The following SLC22A3 variants were observed in gnomAD, a reference collection of about 807,000 sequenced individuals.
SLC22A3 encodes EMT organic cation transporter 3.
In SLC22A3, 51 loss-of-function variants were observed where a neutral mutation model predicts 59.1. The ratio of observed to expected loss-of-function variants is 0.86; its 90% CI spans 0.69 to 1.09. The LOEUF (loss-of-function observed/expected upper bound fraction) is 1.09, where lower values mean the gene tolerates loss of function less well. Among genes scored for constraint, SLC22A3 ranks in the 50% least tolerant of loss-of-function variants. SLC22A3 has a pLI of 0.00. For missense variants in SLC22A3, 711 were observed against 726.3 expected (o/e 0.98, Z 0.24); for synonymous variants, 325 against 292.0 (o/e 1.11, Z -1.15).
At chr6:160,447,301 A>G (rs1353835451) in intron 9 of SLC22A3, among the ~76,000 whole-genome samples, 1 of 152,216 alleles carries the variant, frequency 6.6e-6, no homozygotes, top group African/African-American at 2.4e-5. Flanking sequence ...CACCAGGACA[A>G]GCTTTCCACT....
intron 10 of SLC22A3, 104 bp from the exon 11 acceptor site, chr6:160,450,892 A>G: frequency 9.2e-7 from 1 of 1,092,616 alleles, no homozygotes; most frequent in Non-Finnish European, 1.4e-6. Flanking sequence ...GGTTTTCATG[A>G]ATGTATTTGA....
At chr6:160,442,422 C>T (rs1259188976) in intron 7 of SLC22A3, among the ~76,000 whole-genome samples, 3 of 152,188 alleles carry the variant, frequency 2.0e-5, no homozygotes, top group Non-Finnish European at 2.9e-5. Flanking sequence ...GAAACTACCA[C>T]CTGGACAAAA....
rs528021732 is a variant in SLC22A3 at position 160,445,121 on chromosome 6, G to A, written c.1510+1379G>A. Reference sequence around the variant, plus strand: ...ACAGCCGAATTTCTAAAAACTCAGCGACAACAGAATGTGATAACTGCTGAG... The same window carrying A: ...ACAGCCGAATTTCTAAAAACTCAGCAACAACAGAATGTGATAACTGCTGAG... On this transcript the variant is annotated intron_variant, in intron 9 of 10. Coordinates refer to ENST00000275300, the MANE Select transcript of SLC22A3 (RefSeq NM_021977.4). Among the ~76,000 whole-genome samples, 306 of 152,326 alleles carry A rather than the reference G, an allele frequency of 2.0e-3. 2 individuals carry two copies. Among genetic ancestry groups the A allele is most frequent in the Non-Finnish European group, 3.6e-3 (246 of 68,016 alleles).
intron 1 of SLC22A3, among the ~76,000 whole-genome samples, chr6:160,380,948 G>C (rs1352572675): frequency 6.6e-6 from 1 of 152,218 alleles, no homozygotes; most frequent in Non-Finnish European, 1.5e-5. Context: ...GGCTCTGATA[G>C]AGAACAGCTG....
rs550809325 is a variant in SLC22A3, at chr6:160,402,400, T to C, written c.533+4318T>C. 4.6e-5 allele frequency among the ~76,000 whole-genome samples: 7 copies of C among 151,958 alleles called. No homozygotes were observed. The South Asian group carries it at 1.5e-3, about 32-fold the overall frequency. On this transcript the variant is annotated intron_variant, in intron 2 of 10. Coordinates refer to ENST00000275300, the MANE Select transcript of SLC22A3 (RefSeq NM_021977.4). ...AAATTATAAGAGGCAAAAACTGTGA[T>C]AAAACTGGAATGAGAAATAGATTAA...
intron 1 of SLC22A3, 99 bp from the exon 2 acceptor site, chr6:160,397,880 G>A: frequency 1.1e-6 from 1 of 932,622 alleles, no homozygotes; most frequent in Non-Finnish European, 1.8e-6. Context: ...GAGTATATGA[G>A]CAAAAATCTT....
intron 1 of SLC22A3, among the ~76,000 whole-genome samples, chr6:160,397,111 T>G (rs919280360): frequency 5.9e-5 from 9 of 152,176 alleles, no homozygotes; most frequent in African/African-American, 2.2e-4. Context: ...ACCAGTTTTG[T>G]GGAAGACAAT....
At chr6:160,422,226 T>C (rs1353938308) in intron 5 of SLC22A3, among the ~76,000 whole-genome samples, 1 of 152,158 alleles carries the variant, frequency 6.6e-6, no homozygotes, top group African/African-American at 2.4e-5. Context: ...AGATTGAACA[T>C]TGATGTACAC....
chr6:160,384,007 A>G (rs1340031872), intron 1 of SLC22A3, among the ~76,000 whole-genome samples: 3 of 152,038 alleles, frequency 2.0e-5, no homozygotes, highest in African/African-American at 4.8e-5. Context: ...TCAGCTTACT[A>G]CAACATCTGC....
Position 160,348,528 on chromosome 6 carries a change from G to A in SLC22A3, c.109G>A (p.Val37Ile), listed in dbSNP as rs1784547112. The A allele has an allele frequency of 2.6e-6, 4 of 1,564,072 alleles. No individual in the cohort carries two copies. The highest frequency in any genetic ancestry group is 2.8e-5 in the African/African-American group (2 of 71,048). The change falls in exon 1 of 11, where the codon GTC becomes ATC. Residue 37 changes from valine to isoleucine, a missense_variant. Physicochemically the swap from Val to Ile is conservative, Grantham distance 29. Coordinates refer to ENST00000275300, the MANE Select transcript of SLC22A3 (RefSeq NM_021977.4). ...GGGCGTCACCTTCGCCTTCCTCTTC[G>A]TCGGCGTGGTCTTCCTGGGCACGCA... is the stretch of plus-strand genomic sequence containing the variant. ...LTGVTFAFLF[V>I]GVVFLGTQPD... is the part of the protein sequence containing the mutation.
intron 5 of SLC22A3, among the ~76,000 whole-genome samples, chr6:160,434,225 T>G (rs1009229685): frequency 6.6e-6 from 1 of 152,242 alleles, no homozygotes; most frequent in Non-Finnish European, 1.5e-5. Context: ...TCTAGTCAAA[T>G]TTTTTTCATA....
intron 5 of SLC22A3, among the ~76,000 whole-genome samples, chr6:160,432,160 G>C (rs1265210282): frequency 1.3e-5 from 2 of 152,126 alleles, no homozygotes; most frequent in African/African-American, 4.8e-5. Context: ...GGCCCGAATT[G>C]GGTTGTATGC....
chr6:160,355,277 A>G (rs915061203), intron 1 of SLC22A3, among the ~76,000 whole-genome samples: 3 of 152,100 alleles, frequency 2.0e-5, no homozygotes, highest in Non-Finnish European at 4.4e-5. Context: ...TGGTGCCTCT[A>G]AGAGCATCCT....
chr6:160,426,486 C>A, intron 5 of SLC22A3: 1 of 370,558 alleles, frequency 2.7e-6, no homozygotes, highest in Non-Finnish European at 3.7e-6. Flanking sequence ...CAGGTTCCCA[C>A]TCTAATGTGT....
chr6:160,395,273 C>T (rs1181330327), intron 1 of SLC22A3, among the ~76,000 whole-genome samples: 1 of 152,102 alleles, frequency 6.6e-6, no homozygotes, highest in African/African-American at 2.4e-5. Flanking sequence ...ATTTTGGGGG[C>T]ATTTTAATTC....
intron 1 of SLC22A3, among the ~76,000 whole-genome samples, chr6:160,350,088 G>A (rs972425078): frequency 6.6e-6 from 1 of 152,052 alleles, no homozygotes; most frequent in African/African-American, 2.4e-5. Flanking sequence ...TATGCTATGT[G>A]CTCCAGGGAT....
intron 1 of SLC22A3, among the ~76,000 whole-genome samples, chr6:160,357,006 T>G (rs1784861987): frequency 6.6e-6 from 1 of 152,120 alleles, no homozygotes; most frequent in African/African-American, 2.4e-5. Flanking sequence ...ATAAATGTAA[T>G]TTAAACAATT....
intron 1 of SLC22A3, chr6:160,349,178 T>C (rs1460195847): frequency 4.5e-6 from 3 of 660,520 alleles, no homozygotes; most frequent in African/African-American, 3.9e-5. Context: ...GCGTTCCTTA[T>C]CTTTGAGGTG....
At chr6:160,417,987 G>T (rs769545028) in intron 5 of SLC22A3, among the ~76,000 whole-genome samples, 1 of 152,198 alleles carries the variant, frequency 6.6e-6, no homozygotes, top group African/African-American at 2.4e-5. Flanking sequence ...TGCTAAGATC[G>T]ATGGCTCTTA....
Sources: allele counts gnomAD v4.1 joint callset (sites outside exome capture counted in the v4.1 genomes callset), GRCh38; gene constraint gnomAD v4.1.1; transcripts MANE v1.5; gene names NCBI Gene and HGNC (gene_info 2026-07-23, HGNC 2026-07-21).